FMN1: variants seen among roughly 807,000 people sequenced by gnomAD.
The protein encoded by FMN1 is formin 1.
In FMN1, 110 loss-of-function variants were observed where a neutral mutation model predicts 132.4. That is an observed-to-expected ratio of 0.83 (90% CI 0.71 to 0.97). FMN1 has a LOEUF of 0.97. Ranked by LOEUF, FMN1 falls within the 50% of genes least tolerant of loss-of-function variation. FMN1 has a pLI of 0.00. For synonymous variants in FMN1, 722 were observed against 651.7 expected, an observed-to-expected ratio of 1.11 and a Z score of -1.64; for missense variants, 1,792 against 1,705.3, an observed-to-expected ratio of 1.05 and a Z score of -0.90.
intron 2 of FMN1, among the ~76,000 whole-genome samples, chr15:33,190,697 A>G (rs918677468): frequency 6.6e-6 from 1 of 152,216 alleles, no homozygotes; most frequent in African/African-American, 2.4e-5. Flanking sequence ...AACATGAACT[A>G]GAGCACTCAT....
chr15:32,765,709 T>G lies in FMN1; in HGVS notation c.*8601A>C, dbSNP rs1482739498. ...AATCTATCACAGAGATAGAATTTTT[T>G]GAATAGACAATTGACGTTTTTCTAA... On this transcript the variant is annotated 3_prime_UTR_variant, in exon 21 of 21. Transcript: ENST00000616417. 1 of 152,188 alleles carries G rather than the reference T, an allele frequency of 6.6e-6. No homozygotes were observed. Among genetic ancestry groups the G allele is most frequent in the Non-Finnish European group, 1.5e-5 (1 of 68,026 alleles). The allele number at this position is 152,188 out of a possible 1,614,324, so 9.4% of individuals were successfully genotyped here.
At position 32,799,035 on chromosome 15, in the gene FMN1, G is replaced by A. The variant is rs1459311746; in HGVS notation, c.3981-82C>T. 3.4e-5 allele frequency: 41 copies of A among 1,199,118 alleles called. No individual in the cohort carries two copies. In the South Asian group the frequency reaches 5.5e-4, roughly 16 times the overall value. The allele number at this position is 1,199,118 out of a possible 1,614,324, so 74.3% of individuals were successfully genotyped here. A position where few individuals can be genotyped will look rare whatever the true frequency, so the allele number is the denominator to read the frequency against. On this transcript the variant is annotated intron_variant, in intron 18 of 20. Coordinates refer to ENST00000616417, the MANE Select transcript of FMN1 (RefSeq NM_001277313.2). ...AAAATCCATTAGAGGGGGGATGCTG[G>A]GGGCAGTTTCTCTTGTGTTTATTTT...
Position 32,788,736 on chromosome 15 carries a change from C to T in FMN1, c.4130+10068G>A, listed in dbSNP as rs181753084. 6.6e-5 allele frequency among the ~76,000 whole-genome samples: 10 copies of T among 152,304 alleles called. No homozygotes were observed. The South Asian group carries it at 8.3e-4, about 13-fold the overall frequency. On this transcript the variant is annotated intron_variant, in intron 19 of 20. Transcript: ENST00000616417. ...TCTGCCAAGCTAGGGAAATGGAGTGCGGACAGATGCTCTCTAAGGTTTTGA... is the reference window on the plus strand; with the variant it reads ...TCTGCCAAGCTAGGGAAATGGAGTGTGGACAGATGCTCTCTAAGGTTTTGA...
At position 32,856,266 on chromosome 15, in the gene FMN1, G is replaced by GA. The variant is rs2059129226; in HGVS notation, c.3928+748_3928+749insT. ...TGTGTTTCCTCTAGCTTTCCAGCAG[G>GA]GAAAAAAGCTGCCTGCAACAACCCC... On this transcript the variant is annotated intron_variant, in intron 17 of 20. Transcript: ENST00000616417. Among the ~76,000 whole-genome samples, 26 of 152,220 alleles carry GA rather than the reference G, an allele frequency of 1.7e-4. No individual in the cohort carries two copies. In the South Asian group the frequency reaches 5.4e-3, roughly 32 times the overall value.
chr15:32,850,633 G>A lies in FMN1; in HGVS notation c.3928+6382C>T, dbSNP rs949172066. ...CTTATTAACACCTATCATGGGACAG[G>A]CTGAGCCTATATGATGTTGGGACAA... On this transcript the variant is annotated intron_variant, in intron 17 of 20. Transcript: ENST00000616417. Among the ~76,000 whole-genome samples the A allele has an allele frequency of 2.0e-5, 3 of 152,142 alleles. No homozygotes were observed. In the East Asian group the frequency reaches 5.8e-4, roughly 29 times the overall value.
At chr15:32,879,888 T>G (rs963178472) in intron 16 of FMN1, among the ~76,000 whole-genome samples, 1 of 152,172 alleles carries the variant, frequency 6.6e-6, no homozygotes, top group Non-Finnish European at 1.5e-5. Flanking sequence ...AAGTTATACG[T>G]GCACGCAGTT....
chr15:33,109,088 A>G (rs1595489473), intron 4 of FMN1, among the ~76,000 whole-genome samples: 1 of 152,084 alleles, frequency 6.6e-6, no homozygotes, highest in African/African-American at 2.4e-5. Flanking sequence ...TCTTCTCCCA[A>G]AAGCAAGGAA....
In FMN1 at chr15:33,154,900, A is replaced by G. The variant is rs1396354413; in HGVS notation, c.15T>C (p.His5=). The part of the protein sequence containing the change: MEGT[H]CTLQLHKPIT... The stretch of plus-strand genomic sequence containing the variant: ...TGGGCTTATGCAATTGGAGGGTACA[A>G]TGAGTGCCTTCCATTATGCCTACCT... The change falls in exon 4 of 21, where the codon CAT becomes CAC. Residue 5 remains histidine (H), a synonymous_variant. Transcript: ENST00000616417. The G allele has an allele frequency of 6.5e-6, 10 of 1,533,392 alleles. No individual in the cohort carries two copies. Among genetic ancestry groups the G allele is most frequent in the Non-Finnish European group, 8.7e-6 (10 of 1,145,610 alleles). 95.0% of individuals were successfully genotyped at this position (1,533,392 alleles called of 1,614,324 possible).
chr15:32,986,881 G>A (rs907590915), intron 7 of FMN1, among the ~76,000 whole-genome samples: 6 of 152,046 alleles, frequency 3.9e-5, no homozygotes, highest in Non-Finnish European at 5.9e-5. Flanking sequence ...TAAGAATTAC[G>A]TATTTCAGGT....
chr15:32,833,832 G>A (rs1441395505), intron 17 of FMN1, among the ~76,000 whole-genome samples: 1 of 152,088 alleles, frequency 6.6e-6, no homozygotes, highest in African/African-American at 2.4e-5. Context: ...TTCAACTTCT[G>A]GAATCAATAG....
chr15:33,016,190 TGAC>T (rs1403723385), intron 6 of FMN1, among the ~76,000 whole-genome samples: 1 of 152,204 alleles, frequency 6.6e-6, no homozygotes, highest in Non-Finnish European at 1.5e-5. Context: ...GCATAAAGGA[TGAC>T]ATTTGAAAAA....
chr15:32,923,064 G>T (rs184579741), intron 10 of FMN1, among the ~76,000 whole-genome samples: 3 of 152,238 alleles, frequency 2.0e-5, no homozygotes, highest in Non-Finnish European at 2.9e-5. Context: ...TCAGCTTCTT[G>T]TGAGTTTGGA....
intron 5 of FMN1, among the ~76,000 whole-genome samples, chr15:33,086,727 A>C (rs1374969068): frequency 6.6e-6 from 1 of 152,230 alleles, no homozygotes; most frequent in African/African-American, 2.4e-5. Flanking sequence ...ATCTCTAAAG[A>C]CGCACAACTT....
At chr15:33,174,705 A>G (rs1294731812) in intron 3 of FMN1, among the ~76,000 whole-genome samples, 3 of 152,186 alleles carry the variant, frequency 2.0e-5, no homozygotes, top group Non-Finnish European at 4.4e-5. Context: ...TCTTGAGAGC[A>G]TAGGATCATA....
chr15:32,931,943 T>A (rs558688951), intron 9 of FMN1, among the ~76,000 whole-genome samples: 12 of 152,290 alleles, frequency 7.9e-5, no homozygotes, highest in East Asian at 3.9e-4. Flanking sequence ...CAGTGTTGAG[T>A]TTTTTCAAAT....
intron 4 of FMN1, among the ~76,000 whole-genome samples, chr15:33,106,402 T>C (rs549174627): frequency 2.0e-5 from 3 of 152,106 alleles, no homozygotes; most frequent in Admixed American, 6.6e-5. Flanking sequence ...CTTCAATGTG[T>C]ACATGATTCT....
Position 32,776,863 on chromosome 15 carries a change from G to T in FMN1, c.4187C>A (p.Thr1396Lys). 1 of 1,594,240 alleles carries T rather than the reference G, an allele frequency of 6.3e-7. No individual in the cohort carries two copies. The highest frequency in any genetic ancestry group is 8.6e-7 in the Non-Finnish European group (1 of 1,168,054). Residue 1396 changes from threonine to lysine, a missense_variant, in exon 20 of 21, where the codon ACA (threonine) becomes AAA (lysine). Physicochemically the swap from Thr to Lys is moderately conservative, Grantham distance 78. Coordinates refer to ENST00000616417, the MANE Select transcript of FMN1 (RefSeq NM_001277313.2). ...GCTAGCAGTGGGATTGATTTTCTTT[G>T]TCTCCACTTTCTTCTCTGAAGTCAA... Reference protein sequence around the residue: ...SKLTSEKKVETKKINPTASLK... With the variant: ...SKLTSEKKVEKKKINPTASLK...
chr15:33,078,627 T>C (rs901911094), intron 5 of FMN1, among the ~76,000 whole-genome samples: 1 of 135,196 alleles, frequency 7.4e-6, no homozygotes, highest in African/African-American at 2.8e-5. Flanking sequence ...CTAAAATCTG[T>C]AAAATCCAAA....
intron 6 of FMN1, among the ~76,000 whole-genome samples, chr15:33,058,096 G>A (rs345757): frequency 0.37 from 55,117 of 149,366 alleles, 10,767 homozygotes; most frequent in Admixed American, 0.41. Context: ...GGGGGTGCTG[G>A]TGGAAAGGTG....
Sources: allele counts gnomAD v4.1 joint callset (sites outside exome capture counted in the v4.1 genomes callset), GRCh38; gene constraint gnomAD v4.1.1; transcripts MANE v1.5; gene names NCBI Gene and HGNC (gene_info 2026-07-23, HGNC 2026-07-21).